The following ECHDC2 variants were observed in gnomAD, a reference collection of about 807,000 sequenced individuals.
The protein encoded by ECHDC2 is enoyl-CoA hydratase domain-containing protein 2, mitochondrial.
In ECHDC2, 34 loss-of-function variants were observed where a neutral mutation model predicts 40.6. The ratio of observed to expected loss-of-function variants is 0.84; its 90% CI spans 0.64 to 1.11. The LOEUF is 1.11. Ranked by LOEUF, ECHDC2 falls within the 50% of genes most tolerant of loss-of-function variation. The pLI is 0.00. For synonymous variants in ECHDC2, 162 were observed against 166.6 expected (o/e 0.97, Z 0.21); for missense variants, 392 against 400.7 (o/e 0.98, Z 0.19).
chr1:52,920,884 C>A (rs1406192661), intron 1 of ECHDC2, among the ~76,000 whole-genome samples: 1 of 152,202 alleles, frequency 6.6e-6, no homozygotes, highest in African/African-American at 2.4e-5. Flanking sequence ...CAGCAGAGGA[C>A]TGAGGAGCGT....
At chr1:52,912,171 C>CTT (rs1272702149) in intron 1 of ECHDC2, 115 of 289,226 alleles carry the variant, frequency 4.0e-4, no homozygotes, top group South Asian at 5.9e-4. Context: ...CCATATTCAT[C>CTT]TTTTTTTTTT....
chr1:52,901,229 G>A (rs1017386809), intron 7 of ECHDC2: 5 of 151,962 alleles, frequency 3.3e-5, no homozygotes, highest in South Asian at 2.1e-4. Context: ...CGGTATGTAC[G>A]TATGTTTGTG....
intron 7 of ECHDC2, chr1:52,901,561 T>C (rs2150040139): frequency 6.6e-6 from 1 of 152,032 alleles, no homozygotes; most frequent in South Asian, 2.1e-4. Flanking sequence ...TCAGAGTGGT[T>C]TGTCCACTAG....
At chr1:52,902,803 GT>G (rs370248831) in intron 7 of ECHDC2, among the ~76,000 whole-genome samples, 35 of 150,176 alleles carry the variant, frequency 2.3e-4, no homozygotes, top group African/African-American at 8.3e-4. Context: ...TACCGGTGTT[GT>G]TTTTTTTTCT....
chr1:52,920,757 G>A (rs900457262), intron 1 of ECHDC2, among the ~76,000 whole-genome samples: 1 of 150,124 alleles, frequency 6.7e-6, no homozygotes, highest in Admixed American at 6.6e-5. Context: ...AAAAAAAAAA[G>A]AAGCAATACA....
intron 9 of ECHDC2, chr1:52,897,025 C>G (rs1646681283): frequency 3.4e-6 from 1 of 290,754 alleles, no homozygotes; most frequent in Non-Finnish European, 6.5e-6. Context: ...TTTTTACTCA[C>G]CCATGAGTAA....
chr1:52,904,895 C>T (rs1647357563), intron 6 of ECHDC2, 62 bp from the exon 7 acceptor site: 6 of 1,593,194 alleles, frequency 3.8e-6, no homozygotes, highest in Non-Finnish European at 5.2e-6. Context: ...AGAGAAGGCT[C>T]AGCCTGGGAC....
intron 1 of ECHDC2, among the ~76,000 whole-genome samples, chr1:52,918,652 G>A (rs1254737532): frequency 1.3e-5 from 2 of 152,208 alleles, no homozygotes; most frequent in Non-Finnish European, 1.5e-5. Flanking sequence ...CGTACAATGT[G>A]TTTGTGTTTT....
chr1:52,899,563 G>C (rs520281), intron 7 of ECHDC2: 164,994 of 264,482 alleles, frequency 0.62, 52,872 homozygotes, highest in African/African-American at 0.73. Context: ...CATCACTGAT[G>C]ACCCAGCTGT....
intron 4 of ECHDC2, 51 bp from the exon 5 acceptor site, chr1:52,906,662 CAG>C: frequency 6.7e-7 from 1 of 1,490,416 alleles, no homozygotes; most frequent in Non-Finnish European, 9.1e-7. Flanking sequence ...GGGACCAGGA[CAG>C]AGACTCAAGG....
chr1:52,897,156 G>T (rs1282043405), intron 9 of ECHDC2: 21 of 516,294 alleles, frequency 4.1e-5, no homozygotes, highest in Non-Finnish European at 6.6e-5. Flanking sequence ...TGATACAGAG[G>T]CAAAAGATGT....
At chr1:52,911,166 A>AG (rs1349339430) in intron 3 of ECHDC2, among the ~76,000 whole-genome samples, 4 of 151,878 alleles carry the variant, frequency 2.6e-5, no homozygotes, top group Non-Finnish European at 4.4e-5. Context: ...TTAGTAGAGA[A>AG]GGGGTTTCAC....
At chr1:52,897,323 G>T in intron 9 of ECHDC2, 114 bp downstream of exon 9, 2 of 1,081,900 alleles carry the variant, frequency 1.8e-6, no homozygotes, top group South Asian at 1.3e-5. Flanking sequence ...GATGGATGCG[G>T]TCAGACTGTT....
At position 52,904,765 on chromosome 1, in the gene ECHDC2, G is replaced by C; in HGVS notation, c.583C>G (p.Arg195Gly). 1 of 1,612,856 alleles carries C rather than the reference G, an allele frequency of 6.2e-7. No individual in the cohort carries two copies. The highest frequency in any genetic ancestry group is 8.5e-7 in the Non-Finnish European group (1 of 1,179,878). ...LAKELIFTGR[R>G]LSGTEAHVLG... ...ACGTGGGCCTCAGTTCCACTCAGTC[G>C]TCGGCCCGTGAAGATGAGCTCCTTC... Residue 195 changes from arginine (R) to glycine (G), a missense_variant, in exon 7 of 10, where the codon CGA becomes GGA. Transcript: ENST00000371522.
At chr1:52,906,314 G>A in intron 5 of ECHDC2, 1 of 670,948 alleles carries the variant, frequency 1.5e-6, no homozygotes, top group Non-Finnish European at 2.8e-6. Context: ...GGTTCTGACA[G>A]GTCACAGATA....
At chr1:52,901,951 A>G (rs1021349995) in intron 7 of ECHDC2, 2 of 152,158 alleles carry the variant, frequency 1.3e-5, no homozygotes, top group African/African-American at 2.4e-5. Context: ...TTTCTAACCA[A>G]GTATAATAGA....
intron 7 of ECHDC2, among the ~76,000 whole-genome samples, chr1:52,903,717 A>T (rs567678489): frequency 6.6e-6 from 1 of 151,482 alleles, no homozygotes; most frequent in Non-Finnish European, 1.5e-5. Flanking sequence ...GTGAGCCATG[A>T]TTGCACCACT....
intron 1 of ECHDC2, chr1:52,912,059 C>T: frequency 7.2e-7 from 1 of 1,382,028 alleles, no homozygotes; most frequent in Admixed American, 3.0e-5. Context: ...ACAGTGACTA[C>T]CACAGTAGCC....
intron 7 of ECHDC2, 185 bp from the exon 8 acceptor site, chr1:52,899,409 A>G: frequency 1.6e-6 from 1 of 613,842 alleles, no homozygotes; most frequent in Non-Finnish European, 2.9e-6. Flanking sequence ...CTATCATGAA[A>G]GAAGCCAGAC....
Sources: gnomAD v4.1 joint callset for allele counts (sites outside exome capture counted in the v4.1 genomes callset) on GRCh38, gnomAD v4.1.1 for gene constraint, MANE v1.5 for transcripts, NCBI Gene and HGNC (gene_info 2026-07-23, HGNC 2026-07-21) for gene names.